Variants in VAX1 observed in about 807,000 individuals in gnomAD.
The protein encoded by VAX1 is ventral anterior homeobox 1.
VAX1 carries 6 observed loss-of-function variants against 17.6 expected under a neutral mutation model. That is an observed-to-expected ratio of 0.34 (90% CI 0.19 to 0.67). The LOEUF (loss-of-function observed/expected upper bound fraction) is 0.67. Ranked by LOEUF, VAX1 falls within the 30% of genes least tolerant of loss-of-function variation. The pLI, the probability that VAX1 is intolerant of heterozygous loss-of-function variation, is 0.69. For missense variants in VAX1, 408 were observed against 463.7 expected (o/e 0.88, Z 1.10); for synonymous variants, 256 against 227.4 (o/e 1.13, Z -1.13).
downstream of VAX1, chr10:117,132,157 T>C (rs367647249): frequency 6.4e-6 from 10 of 1,558,420 alleles, no homozygotes; most frequent in African/African-American, 1.4e-5. This position sits in a 1 kb window ranked among gnomAD's most constrained non-coding sequence, Gnocchi z 4.9. Flanking sequence ...AAACCCGAAA[T>C]CCGCCCAAAC....
chr10:117,136,924 C>A lies in VAX1; in HGVS notation c.242-265G>T, dbSNP rs1184475848. Among the ~76,000 whole-genome samples, 1 of 152,220 alleles carries A rather than the reference C, an allele frequency of 6.6e-6. No homozygotes were observed. Among genetic ancestry groups the A allele is most frequent in the Admixed American group, 6.5e-5 (1 of 15,294 alleles). ...GGAGAGAAAAAAATCCAATCAATTC[C>A]ACATAGGCGGACGTTTCTTCCGGCC... On this transcript the variant is annotated intron_variant, in intron 1 of 2. Coordinates refer to ENST00000369206, the MANE Select transcript of VAX1 (RefSeq NM_001112704.2). This position sits in a 1 kb window ranked among gnomAD's most constrained non-coding sequence, Gnocchi z 5.0.
intron 2 of VAX1, among the ~76,000 whole-genome samples, chr10:117,135,972 G>GAAT (rs1854170726): frequency 6.6e-6 from 1 of 152,242 alleles, no homozygotes; most frequent in African/African-American, 2.4e-5. Context: ...CTCCAGGAGG[G>GAAT]CGTACACCTA....
At position 117,134,429 on chromosome 10, in the gene VAX1, G is replaced by A; in HGVS notation, c.584C>T (p.Ala195Val). The change falls in exon 3 of 3, where the codon GCG (alanine) becomes GTG (valine). Residue 195 changes from alanine (A) to valine (V), a missense_variant. Coordinates refer to ENST00000369206, the MANE Select transcript of VAX1 (RefSeq NM_001112704.2). The surrounding 1 kb of genome is among the most constrained non-coding windows in gnomAD (Gnocchi z 6.2). ...GRLLSPPGLP[A>V]LLPPCATGAL... ...GCCCGTGGCGCAAGGCGGCAGCAGC[G>A]CAGGCAGGCCGGGCGGCGACAACAG... 2 of 1,504,934 alleles carry A rather than the reference G, an allele frequency of 1.3e-6. No individual in the cohort carries two copies. The highest frequency in any genetic ancestry group is 1.4e-5 in the African/African-American group (1 of 69,332). The allele number at this position is 1,504,934 out of a possible 1,614,324, so 93.2% of individuals were successfully genotyped here.
At chr10:117,132,548 T>A, downstream of VAX1, 1 of 1,544,360 alleles carries the variant, frequency 6.5e-7, no homozygotes, top group Non-Finnish European at 8.8e-7. The surrounding 1 kb of genome is among the most constrained non-coding windows in gnomAD (Gnocchi z 4.9). Context: ...AAAATTACTA[T>A]TTTAAAAAAG....
rs887265107 is a variant in VAX1 at position 117,137,305 on chromosome 10, C to T, written c.241+511G>A. ...CGTAACCAAGCCCAGCTGCCTCTCC[C>T]GGCGGCAGCGGTCGGGCACCGATCG... On this transcript the variant is annotated intron_variant, in intron 1 of 2. Coordinates refer to ENST00000369206, the MANE Select transcript of VAX1 (RefSeq NM_001112704.2). This position sits in a 1 kb window ranked among gnomAD's most constrained non-coding sequence, Gnocchi z 7.4. Among the ~76,000 whole-genome samples, 4 of 152,076 alleles carry T rather than the reference C, an allele frequency of 2.6e-5. No individual in the cohort carries two copies. The highest frequency in any genetic ancestry group is 9.7e-5 in the African/African-American group (4 of 41,414).
chr10:117,133,929 C>A lies in VAX1; in HGVS notation c.*79G>T. ...GAGCCAGGAGCCCAGCGCAGGAGCT[C>A]TGGGCACCTAATGCGCGTGAGTCCA... On this transcript the variant is annotated 3_prime_UTR_variant, in exon 3 of 3. Transcript: ENST00000369206. 6.9e-7 allele frequency: 1 copy of A among 1,440,564 alleles called. No individual in the cohort carries two copies. Among genetic ancestry groups the A allele is most frequent in the Non-Finnish European group, 9.1e-7 (1 of 1,104,292 alleles). 89.2% of individuals were successfully genotyped at this position (1,440,564 alleles called of 1,614,324 possible). A position where few individuals can be genotyped will look rare whatever the true frequency, so the allele number is the denominator to read the frequency against.
chr10:117,135,919 C>T (rs958995897), intron 2 of VAX1, among the ~76,000 whole-genome samples: 2 of 152,248 alleles, frequency 1.3e-5, no homozygotes, highest in African/African-American at 4.8e-5. Flanking sequence ...ATGGGGAAAG[C>T]CTTCCTTTAA....
At chr10:117,132,501 AAG>A (rs1156947903), downstream of VAX1, 21 of 1,589,628 alleles carry the variant, frequency 1.3e-5, no homozygotes, top group Admixed American at 7.5e-5. The surrounding 1 kb of genome is among the most constrained non-coding windows in gnomAD (Gnocchi z 4.9). Context: ...AAAGATGAAA[AAG>A]AGGGGGAGAG....
downstream of VAX1, among the ~76,000 whole-genome samples, chr10:117,132,913 G>A (rs1325008373): frequency 1.3e-5 from 2 of 152,136 alleles, no homozygotes; most frequent in Non-Finnish European, 2.9e-5. The surrounding 1 kb of genome is among the most constrained non-coding windows in gnomAD (Gnocchi z 4.9). Context: ...TTGTGAATCC[G>A]GGTGTTTGGG....
Position 117,137,686 on chromosome 10 carries a change from G to A in VAX1, c.241+130C>T, listed in dbSNP as rs1449302502. The A allele has an allele frequency of 5.1e-6, 8 of 1,564,328 alleles. No homozygotes were observed. The highest frequency in any genetic ancestry group is 6.9e-6 in the Non-Finnish European group (8 of 1,165,998). On this transcript the variant is annotated intron_variant, in intron 1 of 2. Transcript: ENST00000369206. The surrounding 1 kb of genome is among the most constrained non-coding windows in gnomAD (Gnocchi z 7.4). ...TTGTCCCCAGCCGGACTCGGGGCGG[G>A]GAGGGCCAACAACTTTCTCCCAAGT...
At position 117,136,943 on chromosome 10, in the gene VAX1, T is replaced by G. The variant is rs1854189044; in HGVS notation, c.242-284A>C. 6.6e-6 allele frequency among the ~76,000 whole-genome samples: 1 copy of G among 152,166 alleles called. No individual in the cohort carries two copies. Among genetic ancestry groups the G allele is most frequent in the Admixed American group, 6.5e-5 (1 of 15,280 alleles). The stretch of plus-strand genomic sequence containing the variant: ...CAATTCCACATAGGCGGACGTTTCT[T>G]CCGGCCTGGGGGGGCCTCGGCTGAG... On this transcript the variant is annotated intron_variant, in intron 1 of 2. Transcript: ENST00000369206. This position sits in a 1 kb window ranked among gnomAD's most constrained non-coding sequence, Gnocchi z 5.0.
In VAX1 at chr10:117,136,416, G is replaced by C. The variant is rs1854179379; in HGVS notation, c.429+56C>G. ...TAGGAGGTGAAGAGCAGGCTAGGTA[G>C]GGGTGGTGGGGAGGAAGGCTGGTGC... On this transcript the variant is annotated intron_variant, in intron 2 of 2. Coordinates refer to ENST00000369206, the MANE Select transcript of VAX1 (RefSeq NM_001112704.2). The surrounding 1 kb of genome is among the most constrained non-coding windows in gnomAD (Gnocchi z 5.0). 2 of 1,601,952 alleles carry C rather than the reference G, an allele frequency of 1.2e-6. No individual in the cohort carries two copies. The highest frequency in any genetic ancestry group is 1.7e-6 in the Non-Finnish European group (2 of 1,174,434).
chr10:117,134,672 G>GA lies in VAX1; in HGVS notation c.430-90_430-89insT. On this transcript the variant is annotated intron_variant, in intron 2 of 2. Coordinates refer to ENST00000369206, the MANE Select transcript of VAX1 (RefSeq NM_001112704.2). The surrounding 1 kb of genome is among the most constrained non-coding windows in gnomAD (Gnocchi z 6.2). ...GAGCTCCCGGGGCGCGCGGCTCCGG[G>GA]GCTCTCCCCAAGTCCCAGCCCTATC... 1 of 1,335,338 alleles carries GA rather than the reference G, an allele frequency of 7.5e-7. No homozygotes were observed. 82.7% of individuals were successfully genotyped at this position (1,335,338 alleles called of 1,614,324 possible). A position where few individuals can be genotyped will look rare whatever the true frequency, so the allele number is the denominator to read the frequency against.
chr10:117,132,438 A>C (rs1281181046), downstream of VAX1: 2 of 1,611,882 alleles, frequency 1.2e-6, no homozygotes, highest in South Asian at 2.2e-5. The surrounding 1 kb of genome is among the most constrained non-coding windows in gnomAD (Gnocchi z 4.9). Context: ...AGTGACACCT[A>C]CCCGCGTTTG....
chr10:117,129,821 G>A (rs1047372347), downstream of VAX1: 1 of 152,012 alleles, frequency 6.6e-6, no homozygotes, highest in African/African-American at 2.4e-5. Context: ...TGTCATTCTA[G>A]AGAGACGTAG....
At chr10:117,132,180 G>A (rs1283779350), downstream of VAX1, 2 of 1,591,508 alleles carry the variant, frequency 1.3e-6, no homozygotes, top group South Asian at 1.2e-5. The surrounding 1 kb of genome is among the most constrained non-coding windows in gnomAD (Gnocchi z 4.9). Flanking sequence ...CATCCCAGGC[G>A]CTCACGGTAC....
chr10:117,131,403 T>A (rs1048499190), downstream of VAX1: 1 of 152,224 alleles, frequency 6.6e-6, no homozygotes, highest in Non-Finnish European at 1.5e-5. Context: ...GAAATAAAAG[T>A]GAACTGTCTG....
At position 117,138,262 on chromosome 10, in the gene VAX1, C is replaced by G; in HGVS notation, c.-206G>C. 4.6e-6 allele frequency: 3 copies of G among 650,276 alleles called. No individual in the cohort carries two copies. Among genetic ancestry groups the G allele is most frequent in the Non-Finnish European group, 5.1e-6 (2 of 389,508 alleles). 40.3% of individuals were successfully genotyped at this position (650,276 alleles called of 1,614,324 possible). A position where few individuals can be genotyped will look rare whatever the true frequency, so the allele number is the denominator to read the frequency against. ...GCGGCCGCGCGCGGGTCAGCGGCGA[C>G]GGGAGAGTGGCGCGCTCGCCGAGAG... On this transcript the variant is annotated 5_prime_UTR_variant, in exon 1 of 3. Coordinates refer to ENST00000369206, the MANE Select transcript of VAX1 (RefSeq NM_001112704.2).
At chr10:117,132,132 T>A, downstream of VAX1, 1 of 1,452,674 alleles carries the variant, frequency 6.9e-7, no homozygotes, top group Non-Finnish European at 9.4e-7. The surrounding 1 kb of genome is among the most constrained non-coding windows in gnomAD (Gnocchi z 4.9). Context: ...TAGCCAGGCG[T>A]CTCTGCCTCT....
Sources: gnomAD v4.1 joint callset for allele counts (sites outside exome capture counted in the v4.1 genomes callset) on GRCh38, gnomAD v4.1.1 for gene constraint, Gnocchi (gnomAD v3.1) non-coding constraint, MANE v1.5 for transcripts, NCBI Gene and HGNC (gene_info 2026-07-23, HGNC 2026-07-21) for gene names.